Variants in SLC5A10 observed in about 807,000 individuals in gnomAD.
The protein encoded by SLC5A10 is sodium/mannose cotransporter SLC5A10.
In SLC5A10, 55 loss-of-function variants were observed where a neutral mutation model predicts 68.9. The ratio of observed to expected loss-of-function variants is 0.80; its 90% CI spans 0.64 to 1.00. The LOEUF (loss-of-function observed/expected upper bound fraction) is 1.00. SLC5A10 is among the 50% of genes least tolerant of loss of function. The pLI is 0.00. For missense variants in SLC5A10, 732 were observed against 819.3 expected, an observed-to-expected ratio of 0.89 and a Z score of 1.30; for synonymous variants, 344 against 344.8, an observed-to-expected ratio of 1.00 and a Z score of 0.02.
At chr17:18,960,317 G>A (rs1213148750) in intron 4 of SLC5A10, among the ~76,000 whole-genome samples, 1 of 152,212 alleles carries the variant, frequency 6.6e-6, no homozygotes, top group Non-Finnish European at 1.5e-5. Context: ...AGCCAGTCTA[G>A]GGATCTCAGC....
chr17:18,987,373 T>C (rs2043296414), intron 9 of SLC5A10, among the ~76,000 whole-genome samples: 1 of 152,214 alleles, frequency 6.6e-6, no homozygotes, highest in Admixed American at 6.5e-5. Flanking sequence ...AAAGTGCCTG[T>C]GACAGGGCCT....
At chr17:18,992,770 G>A (rs993057599) in intron 9 of SLC5A10, among the ~76,000 whole-genome samples, 7 of 152,172 alleles carry the variant, frequency 4.6e-5, no homozygotes, top group African/African-American at 1.4e-4. Context: ...TGTCCCTGCC[G>A]AGGGACCCCA....
chr17:19,004,211 G>A lies in SLC5A10; in HGVS notation c.983-9199G>A, dbSNP rs1597897286. The A allele has an allele frequency of 5.1e-6, 3 of 590,532 alleles. No homozygotes were observed. Among genetic ancestry groups the A allele is most frequent in the African/African-American group, 4.0e-5 (2 of 50,130 alleles). The allele number at this position is 590,532 out of a possible 1,614,324, so 36.6% of individuals were successfully genotyped here. On this transcript the variant is annotated intron_variant, in intron 9 of 14. Transcript: ENST00000395645. The surrounding 1 kb of genome is among the most constrained non-coding windows in gnomAD (Gnocchi z 5.4). ...ATGAGCCCGGCTCGGCGGGGAGGGC[G>A]GGCCGCGCGGGGAGGGGCGGCGGGG... is the stretch of plus-strand genomic sequence containing the variant.
intron 9 of SLC5A10, among the ~76,000 whole-genome samples, chr17:18,980,091 G>T (rs1054467854): frequency 2.0e-5 from 3 of 152,152 alleles, no homozygotes; most frequent in African/African-American, 7.2e-5. Context: ...TGGCTAGGGG[G>T]TGATGCAGCC....
intron 9 of SLC5A10, chr17:18,978,367 G>C: frequency 6.3e-7 from 1 of 1,595,782 alleles, no homozygotes; most frequent in East Asian, 2.3e-5. Context: ...AGATGTTGGG[G>C]TCGATGATAT....
At chr17:18,966,561 T>A (rs1300141512) in intron 5 of SLC5A10, among the ~76,000 whole-genome samples, 3 of 151,878 alleles carry the variant, frequency 2.0e-5, no homozygotes, top group African/African-American at 7.3e-5. Context: ...GTCAGGAGTT[T>A]GAGACCAGCC....
intron 8 of SLC5A10, among the ~76,000 whole-genome samples, chr17:18,973,910 A>G (rs1198377378): frequency 6.5e-5 from 4 of 61,180 alleles, no homozygotes; most frequent in Admixed American, 2.2e-4. Flanking sequence ...TTTTTTTCCC[A>G]GAGACATAGT....
rs770576569 is a variant in SLC5A10, at chr17:19,020,421, A to T, written c.1781A>T (p.Tyr594Phe). Residue 594 changes from tyrosine (Y) to phenylalanine (F), a missense_variant, in exon 15 of 15, where the codon TAC becomes TTC. By Grantham distance (22) the Tyr-to-Phe change is conservative. Transcript: ENST00000395645. Reference sequence around the variant, plus strand: ...TGTGTCAACATATTCTTTTATGCCTACTTCGCCTGACACTGCCATCCTGGA... The same window carrying T: ...TGTGTCAACATATTCTTTTATGCCTTCTTCGCCTGACACTGCCATCCTGGA... ...LMCVNIFFYAYFA is the reference protein window; with the variant it reads ...LMCVNIFFYAFFA 6.2e-7 allele frequency: 1 copy of T among 1,613,388 alleles called. No individual in the cohort carries two copies.
rs796683457 is a variant in SLC5A10 at position 19,000,745 on chromosome 17, C to T, written c.983-12665C>T. On this transcript the variant is annotated intron_variant, in intron 9 of 14. Transcript: ENST00000395645. This position sits in a 1 kb window ranked among gnomAD's most constrained non-coding sequence, Gnocchi z 5.2. ...TAGGCAGGGGGCAGGCAGAGTTCTC[C>T]CTACACAATACCAGAGTGAGAAGGG... 1.3e-5 allele frequency among the ~76,000 whole-genome samples: 2 copies of T among 152,282 alleles called. No individual in the cohort carries two copies. Among genetic ancestry groups the T allele is most frequent in the African/African-American group, 4.8e-5 (2 of 41,558 alleles).
At position 18,958,663 on chromosome 17, in the gene SLC5A10, C is replaced by A; in HGVS notation, c.112-19C>A. ...CAGTGTGCGGGCTTCCAACTCCTGT[C>A]CCTTTTCTCCTCTTGCAGTCCTCTT... On this transcript the variant is annotated intron_variant, in intron 1 of 14. Transcript: ENST00000395645. 1 of 1,613,698 alleles carries A rather than the reference C, an allele frequency of 6.2e-7. No homozygotes were observed. The highest frequency in any genetic ancestry group is 8.5e-7 in the Non-Finnish European group (1 of 1,179,602).
rs185517676 is a variant in SLC5A10 at position 18,994,739 on chromosome 17, C to T, written c.982+17750C>T. Reference sequence around the variant, plus strand: ...GTTGACAAATAAGTCCTAGACCAGGCATAAGCAAACTTCCTGAAGAACCAG... The same window carrying T: ...GTTGACAAATAAGTCCTAGACCAGGTATAAGCAAACTTCCTGAAGAACCAG... On this transcript the variant is annotated intron_variant, in intron 9 of 14. Coordinates refer to ENST00000395645, the MANE Select transcript of SLC5A10 (RefSeq NM_001042450.4). 2.1e-4 allele frequency among the ~76,000 whole-genome samples: 32 copies of T among 152,338 alleles called. 1 individual carries two copies. In the East Asian group the frequency reaches 5.6e-3, roughly 27 times the overall value.
chr17:18,977,016 C>T (rs1381233306), intron 9 of SLC5A10, 27 bp downstream of exon 9: 27 of 1,608,304 alleles, frequency 1.7e-5, no homozygotes, highest in East Asian at 2.2e-5. Context: ...GCACTGAACC[C>T]AGGCTGCAGG....
chr17:18,969,466 G>C (rs188655299), intron 7 of SLC5A10, 44 bp downstream of exon 7: 1 of 1,560,214 alleles, frequency 6.4e-7, no homozygotes, highest in Non-Finnish European at 8.8e-7. Context: ...TCCCCACAGC[G>C]AGCCCTTTGG....
intron 9 of SLC5A10, chr17:18,978,049 T>C: frequency 6.6e-7 from 1 of 1,523,068 alleles, no homozygotes; most frequent in Non-Finnish European, 8.8e-7. Context: ...GCCTATGGTC[T>C]GTCCCATTCT....
At chr17:18,951,199 G>A (rs2042362889), upstream of SLC5A10, among the ~76,000 whole-genome samples, 1 of 152,276 alleles carries the variant, frequency 6.6e-6, no homozygotes, top group Non-Finnish European at 1.5e-5. Flanking sequence ...AGAGGCGTGA[G>A]ACTGCCGGCC....
intron 9 of SLC5A10, among the ~76,000 whole-genome samples, chr17:18,994,871 A>G (rs1015713321): frequency 6.6e-6 from 1 of 152,234 alleles, no homozygotes; most frequent in Non-Finnish European, 1.5e-5. Flanking sequence ...ATAAATATCT[A>G]TGTTCTATTG....
At chr17:18,979,589 T>C in intron 9 of SLC5A10, 2 of 1,613,488 alleles carry the variant, frequency 1.2e-6, no homozygotes, top group Non-Finnish European at 1.7e-6. Flanking sequence ...TCCACAAACA[T>C]GAACTTCTGG....
At position 19,017,352 on chromosome 17, in the gene SLC5A10, CA is replaced by C. The variant is rs1567815928; in HGVS notation, c.1242-2070del. The C allele has an allele frequency of 6.4e-7, 1 of 1,552,004 alleles. No individual in the cohort carries two copies. The highest frequency in any genetic ancestry group is 1.2e-5 in the South Asian group (1 of 84,068). On this transcript the variant is annotated intron_variant, in intron 11 of 14. Coordinates refer to ENST00000395645, the MANE Select transcript of SLC5A10 (RefSeq NM_001042450.4). This position sits in a 1 kb window ranked among gnomAD's most constrained non-coding sequence, Gnocchi z 5.6. Reference sequence around the variant, plus strand: ...AGCTTCCTCCTGCCCGAAACACCACCATTGGAGCGGTATCTCCTAGGCCTCG... The same window carrying C: ...AGCTTCCTCCTGCCCGAAACACCACCTTGGAGCGGTATCTCCTAGGCCTCG...
At chr17:19,014,967 C>G in intron 10 of SLC5A10, 82 bp from the exon 11 acceptor site, 1 of 1,514,696 alleles carries the variant, frequency 6.6e-7, no homozygotes, top group Non-Finnish European at 9.0e-7. Flanking sequence ...GGGCGGGCCT[C>G]AGGCATTAGA....
Sources: allele counts gnomAD v4.1 joint callset (sites outside exome capture counted in the v4.1 genomes callset), GRCh38; gene constraint gnomAD v4.1.1; non-coding constraint Gnocchi (gnomAD v3.1); transcripts MANE v1.5; gene names NCBI Gene and HGNC (gene_info 2026-07-23, HGNC 2026-07-21).